The following GNAQ variants were observed in gnomAD, a reference collection of about 807,000 sequenced individuals.
GNAQ encodes the protein guanine nucleotide-binding protein G(q) subunit alpha.
Under a neutral mutation model 43.9 loss-of-function variants are expected in GNAQ, and 8 were observed. The observed-to-expected ratio is 0.18, with a 90% CI of 0.11 to 0.33. The LOEUF (loss-of-function observed/expected upper bound fraction) is 0.33. Ranked by LOEUF, GNAQ falls within the 10% of genes least tolerant of loss-of-function variation. GNAQ has a pLI of 1.00. For missense variants in GNAQ, 158 were observed against 450.8 expected (o/e 0.35, Z 5.88); for synonymous variants, 155 against 170.7 (o/e 0.91, Z 0.71).
chr9:78,016,453 A>G (rs1297113553), intron 1 of GNAQ, among the ~76,000 whole-genome samples: 3 of 152,152 alleles, frequency 2.0e-5, no homozygotes, highest in South Asian at 2.1e-4. Flanking sequence ...TGGGAGGCCA[A>G]GGTGGGCGGA....
At chr9:77,923,730 T>A (rs1006998380) in intron 1 of GNAQ, among the ~76,000 whole-genome samples, 1 of 151,212 alleles carries the variant, frequency 6.6e-6, no homozygotes, top group African/African-American at 2.4e-5. Flanking sequence ...ATCATCAGGG[T>A]CCTTAATGCC....
At chr9:77,844,090 A>G (rs992394814) in intron 2 of GNAQ, among the ~76,000 whole-genome samples, 1 of 152,222 alleles carries the variant, frequency 6.6e-6, no homozygotes, top group Non-Finnish European at 1.5e-5. Flanking sequence ...GTAATTTACA[A>G]AATTCCAGGT....
At position 77,983,551 on chromosome 9, in the gene GNAQ, T is replaced by G. The variant is rs555832031; in HGVS notation, c.136+47549A>C. Among the ~76,000 whole-genome samples the G allele has an allele frequency of 6.6e-5, 10 of 152,300 alleles. No homozygotes were observed. In the East Asian group the frequency reaches 9.7e-4, roughly 15 times the overall value. On this transcript the variant is annotated intron_variant, in intron 1 of 6. Coordinates refer to ENST00000286548, the MANE Select transcript of GNAQ (RefSeq NM_002072.5). ...TTATTCCTCATAGTTGGTGTATGTG[T>G]CTTTTACTTCTTTCTTTCAAGGTTG...
At chr9:77,806,381 T>C (rs1226036152) in intron 3 of GNAQ, among the ~76,000 whole-genome samples, 3 of 152,238 alleles carry the variant, frequency 2.0e-5, no homozygotes, top group African/African-American at 4.8e-5. Context: ...CTGTTATACA[T>C]TAATTTCTAA....
At chr9:77,960,120 A>T (rs1056184392) in intron 1 of GNAQ, among the ~76,000 whole-genome samples, 43 of 152,120 alleles carry the variant, frequency 2.8e-4, no homozygotes, top group African/African-American at 9.4e-4. Context: ...AGGGAACTTT[A>T]ATTCTACTTG....
chr9:77,915,970 T>G (rs1296901273), intron 2 of GNAQ, among the ~76,000 whole-genome samples: 1 of 152,214 alleles, frequency 6.6e-6, no homozygotes, highest in Non-Finnish European at 1.5e-5. Context: ...TTGTTGAGCC[T>G]TCCCCTGTCT....
At chr9:77,992,141 C>T (rs1039473793) in intron 1 of GNAQ, among the ~76,000 whole-genome samples, 2 of 152,200 alleles carry the variant, frequency 1.3e-5, no homozygotes, top group Non-Finnish European at 2.9e-5. Flanking sequence ...AAGAAATCTC[C>T]ATACTGTTTT....
intron 2 of GNAQ, among the ~76,000 whole-genome samples, chr9:77,878,724 A>G (rs1402463649): frequency 6.6e-6 from 1 of 152,170 alleles, no homozygotes; most frequent in Non-Finnish European, 1.5e-5. Flanking sequence ...TTTAAAGGTA[A>G]GATATTTGGG....
intron 1 of GNAQ, among the ~76,000 whole-genome samples, chr9:77,971,255 G>A (rs1005076041): frequency 6.6e-6 from 1 of 152,214 alleles, no homozygotes; most frequent in Non-Finnish European, 1.5e-5. Flanking sequence ...CAGAAAAAGA[G>A]GGAATCCACC....
At chr9:77,817,004 C>T (rs1420220827) in intron 2 of GNAQ, among the ~76,000 whole-genome samples, 2 of 152,116 alleles carry the variant, frequency 1.3e-5, no homozygotes, top group African/African-American at 4.8e-5. Context: ...GATCTAGTAA[C>T]TGAGAAGCCC....
chr9:77,939,947 T>G (rs1829291111), intron 1 of GNAQ, among the ~76,000 whole-genome samples: 2 of 152,186 alleles, frequency 1.3e-5, no homozygotes, highest in African/African-American at 4.8e-5. Flanking sequence ...GCTGATGTCC[T>G]GACACTTAAT....
At position 77,759,910 on chromosome 9, in the gene GNAQ, T is replaced by C. The variant is rs112071532; in HGVS notation, c.736-31243A>G. Among the ~76,000 whole-genome samples, 758 of 107,584 alleles carry C rather than the reference T, an allele frequency of 7.0e-3. 3 individuals carry two copies. The highest frequency in any genetic ancestry group is 0.023 in the African/African-American group (714 of 31,668). The allele number at this position is 107,584 out of a possible 152,430, so 70.6% of individuals were successfully genotyped here. A position where few individuals can be genotyped will look rare whatever the true frequency, so the allele number is the denominator to read the frequency against. On this transcript the variant is annotated intron_variant, in intron 5 of 6. Coordinates refer to ENST00000286548, the MANE Select transcript of GNAQ (RefSeq NM_002072.5). ...TCTCTCTTTTTTTCTTTCTTTCTTT[T>C]TTTTCTTTTCCTTTTTCTTTTTCTT...
intron 1 of GNAQ, among the ~76,000 whole-genome samples, chr9:77,971,578 A>C (rs189197334): frequency 2.3e-4 from 35 of 152,364 alleles, no homozygotes; most frequent in Non-Finnish European, 5.0e-4. Context: ...AAAATTCAAC[A>C]GCATTTCATG....
intron 1 of GNAQ, among the ~76,000 whole-genome samples, chr9:77,959,872 C>T (rs1475481056): frequency 6.6e-6 from 1 of 152,128 alleles, no homozygotes; most frequent in East Asian, 1.9e-4. Flanking sequence ...AAAGGTGGCA[C>T]CATGGTTCTA....
intron 2 of GNAQ, among the ~76,000 whole-genome samples, chr9:77,899,603 T>A: frequency 6.7e-6 from 1 of 150,048 alleles, no homozygotes; most frequent in Admixed American, 6.6e-5. Flanking sequence ...AAAAGGAATA[T>A]AATCATATGA....
chr9:78,005,333 C>T (rs1235682054), intron 1 of GNAQ, among the ~76,000 whole-genome samples: 1 of 152,188 alleles, frequency 6.6e-6, no homozygotes, highest in Non-Finnish European at 1.5e-5. Context: ...GCATGAGCCA[C>T]TGTACCCACC....
At chr9:77,867,096 C>G (rs1422414805) in intron 2 of GNAQ, among the ~76,000 whole-genome samples, 1 of 152,034 alleles carries the variant, frequency 6.6e-6, no homozygotes, top group Non-Finnish European at 1.5e-5. Flanking sequence ...ATCATCTTCC[C>G]TACCCTTCAC....
At chr9:77,775,409 CTTT>C (rs555902583) in intron 5 of GNAQ, among the ~76,000 whole-genome samples, 2 of 130,938 alleles carry the variant, frequency 1.5e-5, no homozygotes, top group African/African-American at 2.8e-5. Flanking sequence ...CCTCATCTCT[CTTT>C]TTTTTTTTTT....
Position 77,830,861 on chromosome 9 carries a change from ACAAT to A in GNAQ, c.322-15095_322-15092del, listed in dbSNP as rs1048839290. Among the ~76,000 whole-genome samples, 157 of 150,028 alleles carry A rather than the reference ACAAT, an allele frequency of 1.0e-3. 1 individual carries two copies. Among genetic ancestry groups the A allele is most frequent in the Non-Finnish European group, 2.0e-3 (138 of 67,790 alleles). Reference sequence around the variant, plus strand: ...ACCACACACACACACACACACACACACAATCAATGTGTGAACTTGTAAAACTTGA... The same window carrying A: ...ACCACACACACACACACACACACACACAATGTGTGAACTTGTAAAACTTGA... On this transcript the variant is annotated intron_variant, in intron 2 of 6. Coordinates refer to ENST00000286548, the MANE Select transcript of GNAQ (RefSeq NM_002072.5).
Sources: allele counts gnomAD v4.1 joint callset (sites outside exome capture counted in the v4.1 genomes callset), GRCh38; gene constraint gnomAD v4.1.1; transcripts MANE v1.5; gene names NCBI Gene and HGNC (gene_info 2026-07-23, HGNC 2026-07-21).